CLYBL: variants seen among roughly 807,000 people sequenced by gnomAD.
The protein encoded by CLYBL is citramalyl-CoA lyase, mitochondrial.
A neutral mutation model predicts 38.9 loss-of-function variants in CLYBL; 31 were observed. The ratio of observed to expected loss-of-function variants is 0.80; its 90% CI spans 0.60 to 1.08. The LOEUF is 1.08. CLYBL is among the 50% of genes least tolerant of loss of function. CLYBL has a pLI of 0.00. For synonymous variants in CLYBL, 171 were observed against 158.6 expected (o/e 1.08, Z -0.59); for missense variants, 434 against 411.6 (o/e 1.05, Z -0.47).
chr13:99,672,140 A>G (rs1274109433), intron 1 of CLYBL, among the ~76,000 whole-genome samples: 5 of 151,578 alleles, frequency 3.3e-5, no homozygotes, highest in Non-Finnish European at 5.9e-5. Context: ...GGAAGAATAA[A>G]TACACTGTAG....
chr13:99,700,665 C>T (rs768177187), intron 1 of CLYBL, among the ~76,000 whole-genome samples: 3 of 152,138 alleles, frequency 2.0e-5, no homozygotes, highest in South Asian at 4.1e-4. Context: ...GTCCCTTTCA[C>T]GTTGAAGGAC....
chr13:99,845,387 G>A (rs1291455281), intron 2 of CLYBL, among the ~76,000 whole-genome samples: 10 of 152,076 alleles, frequency 6.6e-5, no homozygotes, highest in Admixed American at 5.9e-4. Context: ...TTGTTCTCAC[G>A]TTAAATGCTT....
At chr13:99,663,245 G>A in intron 1 of CLYBL, among the ~76,000 whole-genome samples, 1 of 152,230 alleles carries the variant, frequency 6.6e-6, no homozygotes, top group East Asian at 1.9e-4. Context: ...TGAAACTGGA[G>A]CAAACAGGGC....
At chr13:99,789,876 G>A (rs143114465) in intron 2 of CLYBL, among the ~76,000 whole-genome samples, 1 of 152,062 alleles carries the variant, frequency 6.6e-6, no homozygotes, top group Non-Finnish European at 1.5e-5. Flanking sequence ...ATGAATCTGG[G>A]TGCTCCTGTA....
At chr13:99,761,143 G>A (rs986260496) in intron 1 of CLYBL, among the ~76,000 whole-genome samples, 1 of 152,166 alleles carries the variant, frequency 6.6e-6, no homozygotes. Context: ...CACGAGATCA[G>A]GAGATCAAGA....
Position 99,905,938 on chromosome 13 carries a change from T to A in CLYBL, c.*160+533T>A, listed in dbSNP as rs549792677. Among the ~76,000 whole-genome samples, 6 of 152,138 alleles carry A rather than the reference T, an allele frequency of 3.9e-5. No homozygotes were observed. The South Asian group carries it at 1.2e-3, about 32-fold the overall frequency. The stretch of plus-strand genomic sequence containing the variant: ...ACAGGCCTGTGCCACCACTCCCAGA[T>A]GATTTTTGTATTTTTTGTAGAAACG... On this transcript the variant is annotated intron_variant and NMD_transcript_variant, in intron 9 of 9. Transcript: ENST00000689673.
intron 1 of CLYBL, among the ~76,000 whole-genome samples, chr13:99,752,607 C>T (rs1375093601): frequency 1.3e-5 from 2 of 152,142 alleles, no homozygotes; most frequent in African/African-American, 4.8e-5. Flanking sequence ...CTACCCTGCC[C>T]CCTCCTGCTG....
chr13:99,837,764 C>T (rs561280485), intron 2 of CLYBL, among the ~76,000 whole-genome samples: 1 of 152,252 alleles, frequency 6.6e-6, no homozygotes, highest in Admixed American at 6.5e-5. Flanking sequence ...GCTTTTCAAC[C>T]CTGGCCGTCC....
chr13:99,738,630 A>C (rs924962520), intron 1 of CLYBL, among the ~76,000 whole-genome samples: 1 of 152,204 alleles, frequency 6.6e-6, no homozygotes, highest in Non-Finnish European at 1.5e-5. Flanking sequence ...ACAGACCCAG[A>C]GATTCAAGGG....
At chr13:99,807,541 T>C (rs2050256261) in intron 2 of CLYBL, among the ~76,000 whole-genome samples, 1 of 152,072 alleles carries the variant, frequency 6.6e-6, no homozygotes, top group Non-Finnish European at 1.5e-5. Context: ...CCTGAGAATA[T>C]TACGCTGAGT....
At chr13:99,727,721 G>T (rs374549027) in intron 1 of CLYBL, among the ~76,000 whole-genome samples, 9 of 152,020 alleles carry the variant, frequency 5.9e-5, no homozygotes, top group African/African-American at 2.2e-4. Context: ...GTAAACACCA[G>T]CTGAAGAACA....
At chr13:99,743,218 C>T (rs1180945875) in intron 1 of CLYBL, among the ~76,000 whole-genome samples, 2 of 152,124 alleles carry the variant, frequency 1.3e-5, no homozygotes, top group Admixed American at 6.6e-5. Context: ...CACAATATAG[C>T]TGCATCATTT....
At chr13:99,830,736 T>C (rs1279202295) in intron 2 of CLYBL, among the ~76,000 whole-genome samples, 5 of 152,214 alleles carry the variant, frequency 3.3e-5, no homozygotes, top group Non-Finnish European at 7.3e-5. Context: ...CTCACCTTTG[T>C]TAACATACTG....
At chr13:99,730,759 G>A (rs999962153) in intron 1 of CLYBL, among the ~76,000 whole-genome samples, 2 of 152,232 alleles carry the variant, frequency 1.3e-5, no homozygotes, top group African/African-American at 2.4e-5. Flanking sequence ...CTAAACACAC[G>A]GAACGGCCTC....
At chr13:99,653,449 C>T (rs972739596) in intron 1 of CLYBL, among the ~76,000 whole-genome samples, 5 of 152,140 alleles carry the variant, frequency 3.3e-5, no homozygotes, top group African/African-American at 1.2e-4. Flanking sequence ...CCTAGCAACT[C>T]ACCTGTAACT....
In CLYBL at chr13:99,891,367, A is replaced by G. The variant is rs758354529; in HGVS notation, c.977A>G (p.Gln326Arg). 1 of 1,613,982 alleles carries G rather than the reference A, an allele frequency of 6.2e-7. No individual in the cohort carries two copies. The highest frequency in any genetic ancestry group is 8.5e-7 in the Non-Finnish European group (1 of 1,179,862). Residue 326 changes from glutamine (Q) to arginine (R), a missense_variant, in exon 8 of 9, where the codon CAG (glutamine) becomes CGG (arginine). Coordinates refer to ENST00000339105, the MANE Select transcript of CLYBL (RefSeq NM_206808.5). ...ATGATCGACATGCCATTACTGAAGC[A>G]GGCCCAGAACACTGTTACGCTTGCC... ...GSMIDMPLLK[Q>R]AQNTVTLATS...
intron 1 of CLYBL, among the ~76,000 whole-genome samples, chr13:99,654,700 C>A (rs2047303730): frequency 6.6e-6 from 1 of 152,160 alleles, no homozygotes; most frequent in Non-Finnish European, 1.5e-5. Flanking sequence ...GATTCAGTAG[C>A]ATTTTAACAA....
intron 1 of CLYBL, among the ~76,000 whole-genome samples, chr13:99,738,533 G>T (rs909111935): frequency 6.6e-6 from 1 of 152,108 alleles, no homozygotes. Flanking sequence ...AAGTCTGTTC[G>T]TTGGTCAGTC....
chr13:99,719,334 A>G (rs2048362446), intron 1 of CLYBL, among the ~76,000 whole-genome samples: 1 of 151,408 alleles, frequency 6.6e-6, no homozygotes, highest in Admixed American at 6.6e-5. Context: ...TTTATTAATT[A>G]TGAGATGGAG....
Sources: allele counts gnomAD v4.1 joint callset (sites outside exome capture counted in the v4.1 genomes callset), GRCh38; gene constraint gnomAD v4.1.1; transcripts MANE v1.5; gene names NCBI Gene and HGNC (gene_info 2026-07-23, HGNC 2026-07-21).